The following DLGAP2 variants were observed in gnomAD, a reference collection of about 807,000 sequenced individuals.
DLGAP2 encodes the protein DLG associated protein 2.
A neutral mutation model predicts 100.3 loss-of-function variants in DLGAP2; 26 were observed. The ratio of observed to expected loss-of-function variants is 0.26; its 90% confidence interval spans 0.19 to 0.36. The LOEUF is 0.36. DLGAP2 is among the 10% of genes least tolerant of loss of function. The probability of loss-of-function intolerance (pLI) is 1.00; values close to 1 mark genes in which losing one functional copy is unlikely to be tolerated. For synonymous variants in DLGAP2, 886 were observed against 630.1 expected, an observed-to-expected ratio of 1.41 and a Z score of -6.08; for missense variants, 1,858 against 1,453.2, an observed-to-expected ratio of 1.28 and a Z score of -4.53.
intron 3 of DLGAP2, among the ~76,000 whole-genome samples, chr8:1,317,113 C>A (rs1257449241): frequency 7.3e-6 from 1 of 136,526 alleles, no homozygotes; most frequent in African/African-American, 2.9e-5. Context: ...AGAGCCTGTG[C>A]GAGTGCAGCG....
intron 3 of DLGAP2, among the ~76,000 whole-genome samples, chr8:1,463,067 G>C (rs1410177879): frequency 6.6e-6 from 1 of 152,244 alleles, no homozygotes; most frequent in South Asian, 2.1e-4. Flanking sequence ...GGGCCAAAAT[G>C]GTGAGCCCCC....
intron 2 of DLGAP2, among the ~76,000 whole-genome samples, chr8:1,052,551 G>A (rs1412103787): frequency 6.6e-6 from 1 of 152,160 alleles, no homozygotes; most frequent in Admixed American, 6.5e-5. Flanking sequence ...TCCTTTGACG[G>A]GGACTCACAG....
At chr8:1,256,284 C>G (rs1195999697) in intron 2 of DLGAP2, among the ~76,000 whole-genome samples, 10 of 113,472 alleles carry the variant, frequency 8.8e-5, no homozygotes, top group African/African-American at 2.7e-4. Flanking sequence ...GTGTGTGTGT[C>G]CTCTCCTGCC....
At chr8:1,111,497 C>T (rs1804957763) in intron 2 of DLGAP2, among the ~76,000 whole-genome samples, 1 of 151,972 alleles carries the variant, frequency 6.6e-6, no homozygotes, top group Non-Finnish European at 1.5e-5. Context: ...TATTTCATCA[C>T]CCAGGTTTAA....
chr8:1,701,688 G>T lies in DLGAP2; in HGVS notation c.*282G>T. Reference sequence around the variant, plus strand: ...TGTGGCGAGACCTGATTTCTCCTGCGTGTTCTCAGAGGACGGCGAGAAATG... The same window carrying T: ...TGTGGCGAGACCTGATTTCTCCTGCTTGTTCTCAGAGGACGGCGAGAAATG... On this transcript the variant is annotated 3_prime_UTR_variant, in exon 15 of 15. Transcript: ENST00000637795. 2.2e-6 allele frequency: 1 copy of T among 454,370 alleles called. No individual in the cohort carries two copies. The highest frequency in any genetic ancestry group is 4.9e-5 in the South Asian group (1 of 20,502). The allele number at this position is 454,370 out of a possible 1,614,324, so 28.1% of individuals were successfully genotyped here.
intron 1 of DLGAP2, among the ~76,000 whole-genome samples, chr8:759,231 T>C (rs72507619): frequency 0.075 from 8,428 of 112,808 alleles, 1 homozygote; most frequent in East Asian, 0.23. Context: ...CTTCCTGTTA[T>C]CAATACCCGC....
chr8:1,043,205 G>T (rs1334443413), intron 2 of DLGAP2, among the ~76,000 whole-genome samples: 31 of 110,190 alleles, frequency 2.8e-4, no homozygotes, highest in Admixed American at 3.5e-4. Flanking sequence ...TGGTGGATGC[G>T]GGTGGTGGGT....
At chr8:740,756 G>T (rs1269871430) in intron 1 of DLGAP2, among the ~76,000 whole-genome samples, 1 of 152,130 alleles carries the variant, frequency 6.6e-6, no homozygotes, top group African/African-American at 2.4e-5. Context: ...TTATATAACT[G>T]TATTTGAGGA....
chr8:1,476,546 A>T (rs994773420), intron 3 of DLGAP2, among the ~76,000 whole-genome samples: 3 of 151,992 alleles, frequency 2.0e-5, no homozygotes, highest in Non-Finnish European at 4.4e-5. Flanking sequence ...ACACCTCCTC[A>T]TGGTTCCCCC....
chr8:741,868 A>G (rs1563406007), intron 1 of DLGAP2, among the ~76,000 whole-genome samples: 2 of 152,184 alleles, frequency 1.3e-5, no homozygotes, highest in African/African-American at 4.8e-5. Flanking sequence ...AAGCTTTAGG[A>G]AAAACAGCGG....
chr8:1,419,094 C>T (rs563548911), intron 3 of DLGAP2, among the ~76,000 whole-genome samples: 2 of 152,254 alleles, frequency 1.3e-5, no homozygotes, highest in Non-Finnish European at 2.9e-5. Context: ...CCTCTGCAAG[C>T]ACTCCAAAAC....
At chr8:843,791 C>G (rs1012301883) in intron 1 of DLGAP2, among the ~76,000 whole-genome samples, 2 of 152,180 alleles carry the variant, frequency 1.3e-5, no homozygotes, top group African/African-American at 4.8e-5. Flanking sequence ...AAAAGAAAGC[C>G]TTAGACTTTC....
In DLGAP2 at chr8:1,584,000, C is replaced by T. The variant is rs769813589; in HGVS notation, c.1442+18106C>T. Among the ~76,000 whole-genome samples the T allele has an allele frequency of 2.6e-5, 4 of 152,188 alleles. No individual in the cohort carries two copies. In the South Asian group the frequency reaches 6.2e-4, roughly 24 times the overall value. The stretch of plus-strand genomic sequence containing the variant: ...CCTCTGGGAAGGCTCCCTGGAGTTA[C>T]GTCCCCTGCAGCATATTTCCTCACT... On this transcript the variant is annotated intron_variant, in intron 6 of 14. Transcript: ENST00000637795.
At chr8:1,465,636 C>G (rs550108318) in intron 3 of DLGAP2, among the ~76,000 whole-genome samples, 2 of 152,314 alleles carry the variant, frequency 1.3e-5, no homozygotes, top group East Asian at 3.9e-4. Flanking sequence ...AAACCCCGAT[C>G]CCAGTGCTAG....
intron 2 of DLGAP2, among the ~76,000 whole-genome samples, chr8:1,008,490 A>G (rs920137936): frequency 6.6e-5 from 10 of 152,386 alleles, no homozygotes; most frequent in East Asian, 1.9e-4. Flanking sequence ...TAACATTTGT[A>G]TATAAAATCA....
chr8:1,454,957 C>T (rs900439245), intron 3 of DLGAP2, among the ~76,000 whole-genome samples: 3 of 152,110 alleles, frequency 2.0e-5, no homozygotes, highest in African/African-American at 7.2e-5. Flanking sequence ...GCCCATCGGG[C>T]CCCCAGTTTC....
At chr8:1,280,329 TTAAAA>T (rs768844057) in intron 3 of DLGAP2, among the ~76,000 whole-genome samples, 78 of 152,270 alleles carry the variant, frequency 5.1e-4, no homozygotes, top group Non-Finnish European at 8.8e-4. Flanking sequence ...TTCCTTGAGA[TTAAAA>T]GAGTTCCATG....
At chr8:795,650 CGTCCAGTGAGAGCAGGT>C (rs1796011281) in intron 1 of DLGAP2, among the ~76,000 whole-genome samples, 2 of 125,098 alleles carry the variant, frequency 1.6e-5, no homozygotes, top group Admixed American at 8.3e-5. Flanking sequence ...TGAGAGCAGG[CGTCCAGTGAGAGCAGGT>C]GTCCAGTGAG....
chr8:1,627,443 G>C (rs941504536), intron 7 of DLGAP2, among the ~76,000 whole-genome samples: 1 of 152,246 alleles, frequency 6.6e-6, no homozygotes, highest in African/African-American at 2.4e-5. Flanking sequence ...CGGGGGCTGT[G>C]AAAGGGAGGC....
Sources: gnomAD v4.1 joint callset for allele counts (sites outside exome capture counted in the v4.1 genomes callset) on GRCh38, gnomAD v4.1.1 for gene constraint, MANE v1.5 for transcripts, NCBI Gene and HGNC (gene_info 2026-07-23, HGNC 2026-07-21) for gene names.